The following PPP1R3A variants were observed in gnomAD, a reference collection of about 807,000 sequenced individuals.
The protein encoded by PPP1R3A is RG1.
In PPP1R3A, 29 loss-of-function variants were observed where a neutral mutation model predicts 41.7. The ratio of observed to expected loss-of-function variants is 0.70; its 90% confidence interval spans 0.52 to 0.95. The LOEUF is 0.95. PPP1R3A is among the 40% of genes least tolerant of loss of function. PPP1R3A has a pLI of 0.00. For missense variants in PPP1R3A, 1,352 were observed against 1,292.4 expected (o/e 1.05, Z -0.71); for synonymous variants, 485 against 453.4 (o/e 1.07, Z -0.89).
chr7:113,910,534 A>G (rs1461352684), intron 1 of PPP1R3A, among the ~76,000 whole-genome samples: 1 of 152,014 alleles, frequency 6.6e-6, no homozygotes, highest in Non-Finnish European at 1.5e-5. Flanking sequence ...TAAAACTTCA[A>G]TTTTTCTATT....
At chr7:113,905,519 T>G (rs549677213) in intron 1 of PPP1R3A, among the ~76,000 whole-genome samples, 1 of 151,986 alleles carries the variant, frequency 6.6e-6, no homozygotes, top group African/African-American at 2.4e-5. Context: ...ATTCTTCCTG[T>G]AACTTTTCTA....
At chr7:113,910,248 C>A (rs1797221993) in intron 1 of PPP1R3A, among the ~76,000 whole-genome samples, 1 of 152,002 alleles carries the variant, frequency 6.6e-6, no homozygotes, top group Non-Finnish European at 1.5e-5. Context: ...ACAGCCAAAC[C>A]ATATCAAGAT....
Position 113,878,953 on chromosome 7 carries a change from C to T in PPP1R3A, c.2139G>A (p.Leu713=). The T allele has an allele frequency of 6.2e-7, 1 of 1,613,248 alleles. No individual in the cohort carries two copies. Among genetic ancestry groups the T allele is most frequent in the East Asian group, 2.2e-5 (1 of 44,842 alleles). ...FTCQETVCCE[L]SSLADHGITE... ...TAATGCCATGATCAGCTAGAGAAGACAGTTCACAGCACACTGTTTCTTGGC... is the reference window on the plus strand; with the variant it reads ...TAATGCCATGATCAGCTAGAGAAGATAGTTCACAGCACACTGTTTCTTGGC... Residue 713 remains leucine, a synonymous_variant, in exon 4 of 4, where the codon CTG becomes CTA. Transcript: ENST00000284601.
chr7:113,892,320 A>G (rs1349624077), intron 1 of PPP1R3A, among the ~76,000 whole-genome samples: 1 of 152,068 alleles, frequency 6.6e-6, no homozygotes, highest in Non-Finnish European at 1.5e-5. Context: ...ACACATACAG[A>G]AATGTCGAAC....
rs1796576784 is a variant in PPP1R3A, at chr7:113,876,983, C to A, written c.*740G>T. 1 of 151,852 alleles carries A rather than the reference C, an allele frequency of 6.6e-6. No individual in the cohort carries two copies. The highest frequency in any genetic ancestry group is 6.6e-5 in the Admixed American group (1 of 15,200). The allele number at this position is 151,852 out of a possible 1,614,324, so 9.4% of individuals were successfully genotyped here. A position where few individuals can be genotyped will look rare whatever the true frequency, so the allele number is the denominator to read the frequency against. ...TAGTTCAGCTGTGTTACAGTCTTCC[C>A]TCACAAGAGAAAAGCATTGCTTAAA... On this transcript the variant is annotated 3_prime_UTR_variant, in exon 4 of 4. Transcript: ENST00000284601.
chr7:113,893,978 G>T (rs4439043), intron 1 of PPP1R3A, among the ~76,000 whole-genome samples: 147,190 of 152,036 alleles, frequency 0.97, 71,404 homozygotes, highest in East Asian at 1. Context: ...ATAACAGGTC[G>T]AAATTTGCTT....
chr7:113,894,587 C>A (rs1258370762), intron 1 of PPP1R3A, among the ~76,000 whole-genome samples: 1 of 151,906 alleles, frequency 6.6e-6, no homozygotes, highest in African/African-American at 2.4e-5. Flanking sequence ...TTTATACTAC[C>A]TACAGCCTTC....
rs549637341 is a variant in PPP1R3A at position 113,903,415 on chromosome 7, A to T, written c.782+14800T>A. Among the ~76,000 whole-genome samples the T allele has an allele frequency of 1.1e-4, 16 of 151,878 alleles. No individual in the cohort carries two copies. The South Asian group carries it at 3.3e-3, about 32-fold the overall frequency. On this transcript the variant is annotated intron_variant, in intron 1 of 3. Coordinates refer to ENST00000284601, the MANE Select transcript of PPP1R3A (RefSeq NM_002711.4). ...AAAGGATGAAACCCATGTTTTAAAC[A>T]CAGCAACACGTATAGACAAGTAAAT...
intron 1 of PPP1R3A, among the ~76,000 whole-genome samples, chr7:113,896,240 G>A (rs1466620916): frequency 6.6e-6 from 1 of 151,850 alleles, no homozygotes; most frequent in Non-Finnish European, 1.5e-5. Flanking sequence ...CACACCTTTT[G>A]TGAACTATTT....
rs187061070 is a variant in PPP1R3A at position 113,896,495 on chromosome 7, C to T, written c.783-14175G>A. The stretch of plus-strand genomic sequence containing the variant: ...GTACAAAATCTGCTTTTATATTTTT[C>T]TCCAATGTGAAATTGGTTTTTGGCT... On this transcript the variant is annotated intron_variant, in intron 1 of 3. Transcript: ENST00000284601. Among the ~76,000 whole-genome samples the T allele has an allele frequency of 2.6e-3, 395 of 151,924 alleles. 1 individual carries two copies. Among genetic ancestry groups the T allele is most frequent in the Non-Finnish European group, 4.9e-3 (336 of 67,888 alleles).
intron 1 of PPP1R3A, among the ~76,000 whole-genome samples, chr7:113,905,520 A>G (rs1181276379): frequency 1.3e-5 from 2 of 151,874 alleles, no homozygotes; most frequent in African/African-American, 4.8e-5. Flanking sequence ...TTCTTCCTGT[A>G]ACTTTTCTAT....
intron 1 of PPP1R3A, among the ~76,000 whole-genome samples, chr7:113,913,368 A>T (rs1005040159): frequency 5.9e-5 from 9 of 152,088 alleles, no homozygotes; most frequent in Non-Finnish European, 1.3e-4. Context: ...CCTCATTTTC[A>T]CAATTTTACC....
chr7:113,902,908 T>C (rs568581118), intron 1 of PPP1R3A, among the ~76,000 whole-genome samples: 1 of 151,978 alleles, frequency 6.6e-6, no homozygotes, highest in South Asian at 2.1e-4. Context: ...TAGTATGTTT[T>C]CCATAATATT....
Position 113,900,128 on chromosome 7 carries a change from T to C in PPP1R3A, c.783-17808A>G, listed in dbSNP as rs969606599. 5.9e-5 allele frequency among the ~76,000 whole-genome samples: 9 copies of C among 151,742 alleles called. No homozygotes were observed. The East Asian group carries it at 1.7e-3, about 29-fold the overall frequency. On this transcript the variant is annotated intron_variant, in intron 1 of 3. Transcript: ENST00000284601. The stretch of plus-strand genomic sequence containing the variant: ...AGGTAGGAAACATTAATTATTTCTA[T>C]GTTAACAACTTCTGCTTATTACAAA...
chr7:113,878,272 G>GAC lies in PPP1R3A; in HGVS notation c.2819_2820insGT (p.Met941SerfsTer43). On this transcript the variant is annotated frameshift_variant, in exon 4 of 4. Coordinates refer to ENST00000284601, the MANE Select transcript of PPP1R3A (RefSeq NM_002711.4). LOFTEE classifies it low-confidence loss of function (END_TRUNC). ...TCGTAGAAATAGGTTGGCTAGCCAT[G>GAC]GTAGTAACTGCATTCTCTACAGCAA... The GAC allele has an allele frequency of 6.2e-7, 1 of 1,613,094 alleles. No homozygotes were observed. Among genetic ancestry groups the GAC allele is most frequent in the Non-Finnish European group, 8.5e-7 (1 of 1,179,524 alleles).
intron 1 of PPP1R3A, among the ~76,000 whole-genome samples, chr7:113,908,238 T>C (rs1797177590): frequency 6.6e-6 from 1 of 151,888 alleles, no homozygotes; most frequent in African/African-American, 2.4e-5. Context: ...TATAAAATAC[T>C]AGCTAACATA....
At chr7:113,898,405 A>C (rs1797009561) in intron 1 of PPP1R3A, among the ~76,000 whole-genome samples, 1 of 151,798 alleles carries the variant, frequency 6.6e-6, no homozygotes, top group Non-Finnish European at 1.5e-5. Context: ...TAGTATGACT[A>C]TTGAGATGAA....
At chr7:113,900,487 G>T (rs1182360972) in intron 1 of PPP1R3A, among the ~76,000 whole-genome samples, 2 of 150,902 alleles carry the variant, frequency 1.3e-5, no homozygotes, top group African/African-American at 4.9e-5. Flanking sequence ...ATAAGTGAAG[G>T]CACTTGCAAG....
Position 113,880,041 on chromosome 7 carries a change from T to A in PPP1R3A, c.1051A>T (p.Asn351Tyr). ...TTCTTCTCTAACCCCTCTGCTTTAT[T>A]TGGAAAATTGACTGGATCTGTTGAA... Reference protein sequence around the residue: ...TFSTDPVNFPNKAEGLEKKQI... With the variant: ...TFSTDPVNFPYKAEGLEKKQI... The change falls in exon 4 of 4, where the codon AAT (asparagine) becomes TAT (tyrosine). Residue 351 changes from asparagine (N) to tyrosine (Y), a missense_variant. Coordinates refer to ENST00000284601, the MANE Select transcript of PPP1R3A (RefSeq NM_002711.4). The A allele has an allele frequency of 6.2e-7, 1 of 1,611,116 alleles. No individual in the cohort carries two copies. Among genetic ancestry groups the A allele is most frequent in the South Asian group, 1.1e-5 (1 of 91,022 alleles).
Sources: allele counts gnomAD v4.1 joint callset (sites outside exome capture counted in the v4.1 genomes callset), GRCh38; gene constraint gnomAD v4.1.1; transcripts MANE v1.5; gene names NCBI Gene and HGNC (gene_info 2026-07-23, HGNC 2026-07-21).